SHROOM4: variants seen among roughly 807,000 people sequenced by gnomAD.
SHROOM4 encodes the protein shroom family member 4, also known as protein Shroom4.
A neutral mutation model predicts 80.3 loss-of-function variants in SHROOM4; 17 were observed. That is an observed-to-expected ratio of 0.21 (90% CI 0.14 to 0.32). The LOEUF (loss-of-function observed/expected upper bound fraction) is 0.32. SHROOM4 is among the 10% of genes least tolerant of loss of function. SHROOM4 has a pLI of 1.00. For synonymous variants in SHROOM4, 400 were observed against 437.5 expected, an observed-to-expected ratio of 0.91 and a Z score of 1.07; for missense variants, 993 against 1,140.3, an observed-to-expected ratio of 0.87 and a Z score of 1.86.
chrX:50,681,624 G>C (rs1275454662), intron 2 of SHROOM4, among the ~76,000 whole-genome samples: 1 of 111,869 alleles, frequency 8.9e-6, no homozygotes, highest in Non-Finnish European at 1.9e-5. Context: ...CCCACATTTA[G>C]TCATTTTATA....
At chrX:50,683,628 CTG>C (rs1557261989) in intron 2 of SHROOM4, among the ~76,000 whole-genome samples, 1 of 111,541 alleles carries the variant, frequency 9.0e-6, no homozygotes, top group Non-Finnish European at 1.9e-5. Flanking sequence ...ACTGGGTTCA[CTG>C]TGAATTATTT....
intron 1 of SHROOM4, among the ~76,000 whole-genome samples, chrX:50,775,510 C>T (rs1189276903): frequency 9.0e-6 from 1 of 111,279 alleles, no homozygotes; most frequent in Admixed American, 9.5e-5. Context: ...GTAAGAATTA[C>T]AGGCTGGAAA....
chrX:50,579,617 G>A, the SHROOM4 span, among the ~76,000 whole-genome samples: 3 of 111,643 alleles, frequency 2.7e-5, no homozygotes, highest in African/African-American at 9.8e-5. Context: ...AAATAAGAGG[G>A]ACAACATTTC....
chrX:50,647,267 G>C (rs184184010), intron 2 of SHROOM4, among the ~76,000 whole-genome samples: 1 of 112,007 alleles, frequency 8.9e-6, no homozygotes, highest in Non-Finnish European at 1.9e-5. Flanking sequence ...AAGGCAAAGA[G>C]GTGGATAGTG....
intron 1 of SHROOM4, among the ~76,000 whole-genome samples, chrX:50,787,135 C>T (rs1452554740): frequency 1.8e-5 from 2 of 109,248 alleles, no homozygotes; most frequent in African/African-American, 3.3e-5. Context: ...TGGGAGATCA[C>T]GTGAGCCCAG....
intron 1 of SHROOM4, among the ~76,000 whole-genome samples, chrX:50,714,510 T>C (rs1474863326): frequency 2.7e-5 from 3 of 111,910 alleles, no homozygotes; most frequent in African/African-American, 9.7e-5. Context: ...ACACATTATA[T>C]GCATGTAACA....
intron 1 of SHROOM4, among the ~76,000 whole-genome samples, chrX:50,782,171 G>A (rs1397974094): frequency 9.1e-6 from 1 of 109,909 alleles, no homozygotes; most frequent in Non-Finnish European, 1.9e-5. Flanking sequence ...TCACGCCACT[G>A]CACTCCAGCC....
chrX:50,770,844 G>C (rs1935380719), intron 1 of SHROOM4, among the ~76,000 whole-genome samples: 1 of 111,555 alleles, frequency 9.0e-6, no homozygotes, highest in African/African-American at 3.3e-5. Flanking sequence ...TCTAGCAGAG[G>C]CCAAGAGCAT....
chrX:50,607,968 G>T lies in SHROOM4; in HGVS notation c.3174C>A (p.Phe1058Leu), dbSNP rs1477304591. ...SMPHPLRSRA[F>L]SESHISLAPQ... ...GCGCCAAGCTGATGTGACTCTCTGAGAAGGCACGGCTGCGCAGTGGGTGGG... is the reference window on the plus strand; with the variant it reads ...GCGCCAAGCTGATGTGACTCTCTGATAAGGCACGGCTGCGCAGTGGGTGGG... The change falls in exon 6 of 9, where the codon TTC becomes TTA. Residue 1058 changes from phenylalanine (F) to leucine (L), a missense_variant. Phe to Leu is a conservative substitution (Grantham distance 22). Coordinates refer to ENST00000376020, the MANE Select transcript of SHROOM4 (RefSeq NM_020717.5). 1 of 1,212,163 alleles carries T rather than the reference G, an allele frequency of 8.2e-7. No individual in the cohort carries two copies.
chrX:50,657,323 T>C (rs149479371), intron 2 of SHROOM4, among the ~76,000 whole-genome samples: 1,152 of 111,707 alleles, frequency 0.01, 16 homozygotes, highest in African/African-American at 0.036. Flanking sequence ...TGCCCTTGTC[T>C]TGTTCCCTAT....
At chrX:50,800,113 T>G (rs1936089174) in intron 1 of SHROOM4, among the ~76,000 whole-genome samples, 1 of 112,198 alleles carries the variant, frequency 8.9e-6, no homozygotes, top group Admixed American at 9.4e-5. Flanking sequence ...TCCCTCTGCC[T>G]CTAGTTCCCA....
intron 4 of SHROOM4, among the ~76,000 whole-genome samples, chrX:50,628,303 G>A (rs1424308285): frequency 1.8e-5 from 2 of 111,183 alleles, no homozygotes; most frequent in African/African-American, 6.5e-5. Context: ...CTACATTACA[G>A]GAGCAGACTC....
intron 1 of SHROOM4, among the ~76,000 whole-genome samples, chrX:50,747,711 T>C (rs957867392): frequency 8.9e-6 from 1 of 111,942 alleles, no homozygotes; most frequent in Non-Finnish European, 1.9e-5. Context: ...AGAGATTAAA[T>C]GGAATAGGGC....
At position 50,777,668 on chromosome X, in the gene SHROOM4, T is replaced by C. The variant is rs1264980331; in HGVS notation, c.117+36234A>G. On this transcript the variant is annotated intron_variant, in intron 1 of 8. Transcript: ENST00000376020. ...TGATCTCAAATATATATTACTTTTA[T>C]AATCAAAATATATTACTCTGTTAAT... 4.5e-5 allele frequency among the ~76,000 whole-genome samples: 5 copies of C among 112,116 alleles called. No homozygotes were observed. The East Asian group carries it at 1.1e-3, about 25-fold the overall frequency.
intron 1 of SHROOM4, among the ~76,000 whole-genome samples, chrX:50,745,264 C>T (rs782342864): frequency 9.0e-6 from 1 of 111,274 alleles, no homozygotes; most frequent in African/African-American, 3.3e-5. Flanking sequence ...ATAATCTCTG[C>T]TGTTTTCAAC....
chrX:50,597,960 T>C (rs2147208166), intron 8 of SHROOM4, among the ~76,000 whole-genome samples: 1 of 111,367 alleles, frequency 9.0e-6, no homozygotes, highest in African/African-American at 3.3e-5. Flanking sequence ...CACCTCAGCC[T>C]CCGGAGTAGC....
chrX:50,721,751 C>A, intron 1 of SHROOM4, among the ~76,000 whole-genome samples: 2 of 111,849 alleles, frequency 1.8e-5, no homozygotes, highest in Middle Eastern at 9.2e-3. Flanking sequence ...TCAGTCACTG[C>A]AAATTAGCCT....
intron 6 of SHROOM4, among the ~76,000 whole-genome samples, chrX:50,606,818 T>A (rs1929692527): frequency 9.1e-6 from 1 of 110,246 alleles, no homozygotes; most frequent in South Asian, 4.0e-4. Context: ...CCTTATCTAT[T>A]GTAAGGAATT....
chrX:50,693,779 T>C, intron 2 of SHROOM4, among the ~76,000 whole-genome samples: 1 of 110,084 alleles, frequency 9.1e-6, no homozygotes, highest in Admixed American at 9.6e-5. Flanking sequence ...ATACAATAGA[T>C]TGTTAACTAT....
Sources: gnomAD v4.1 joint callset for allele counts (sites outside exome capture counted in the v4.1 genomes callset) on GRCh38, gnomAD v4.1.1 for gene constraint, MANE v1.5 for transcripts, NCBI Gene and HGNC (gene_info 2026-07-23, HGNC 2026-07-21) for gene names.